BMP1: variants seen among roughly 807,000 people sequenced by gnomAD.
BMP1 encodes the protein bone morphogenetic protein 1, also known as mammalian tolloid protein.
A neutral mutation model predicts 116.8 loss-of-function variants in BMP1; 63 were observed. The ratio of observed to expected loss-of-function variants is 0.54; its 90% CI spans 0.44 to 0.67. The LOEUF is 0.67. Ranked by LOEUF, BMP1 falls within the 30% of genes least tolerant of loss-of-function variation. The pLI is 0.00. For missense variants in BMP1, 1,183 were observed against 1,358.9 expected (o/e 0.87, Z 2.04); for synonymous variants, 536 against 533.4 (o/e 1.00, Z -0.07).
rs560082810 is a variant in BMP1 at position 22,180,943 on chromosome 8, G to T, written c.1077+460G>T. 4.6e-5 allele frequency among the ~76,000 whole-genome samples: 7 copies of T among 152,308 alleles called. No homozygotes were observed. In the South Asian group the frequency reaches 1.4e-3, roughly 32 times the overall value. On this transcript the variant is annotated intron_variant, in intron 8 of 19. Coordinates refer to ENST00000306385, the MANE Select transcript of BMP1 (RefSeq NM_006129.5). Reference sequence around the variant, plus strand: ...GATGAACTGCTCAGCCTGACGCTCAGCTCTCATCCGTCTCATCAGGGCTTG... The same window carrying T: ...GATGAACTGCTCAGCCTGACGCTCATCTCTCATCCGTCTCATCAGGGCTTG...
intron 1 of BMP1, among the ~76,000 whole-genome samples, chr8:22,172,498 T>C (rs1586435417): frequency 6.6e-6 from 1 of 151,850 alleles, no homozygotes; most frequent in Admixed American, 6.6e-5. Flanking sequence ...TAGGAATTAC[T>C]TGAGAACTGT....
chr8:22,191,012 C>T (rs1828916926), intron 8 of BMP1, among the ~76,000 whole-genome samples: 1 of 152,140 alleles, frequency 6.6e-6, no homozygotes, highest in Non-Finnish European at 1.5e-5. Context: ...GTGGTTTCCC[C>T]CCGGAAGTGG....
intron 15 of BMP1, among the ~76,000 whole-genome samples, chr8:22,199,820 T>G (rs1388338658): frequency 6.6e-6 from 1 of 152,142 alleles, no homozygotes; most frequent in African/African-American, 2.4e-5. Flanking sequence ...TCAGGCCCCC[T>G]CTGATGTGTT....
At chr8:22,186,821 T>C (rs923389021) in intron 8 of BMP1, among the ~76,000 whole-genome samples, 2 of 152,072 alleles carry the variant, frequency 1.3e-5, no homozygotes, top group African/African-American at 4.8e-5. Flanking sequence ...GGGGATACTA[T>C]CAAGTTTGAT....
intron 18 of BMP1, among the ~76,000 whole-genome samples, chr8:22,208,870 G>A (rs1390844993): frequency 6.6e-6 from 1 of 152,172 alleles, no homozygotes; most frequent in Non-Finnish European, 1.5e-5. Flanking sequence ...CGAGACCTGA[G>A]TGCCAGGTGC....
rs940904301 is a variant in BMP1, at chr8:22,209,115, G to T, written c.2576-330G>T. On this transcript the variant is annotated intron_variant, in intron 18 of 19. Transcript: ENST00000306385. ...AAAATGGAAGCTGTGGCGACACTGG[G>T]CCCACATTCTTCCATGACAGCCATC... is the stretch of plus-strand genomic sequence containing the variant. Among the ~76,000 whole-genome samples, 4 of 152,166 alleles carry T rather than the reference G, an allele frequency of 2.6e-5. No homozygotes were observed. The East Asian group carries it at 7.7e-4, about 29-fold the overall frequency.
At chr8:22,209,377 G>T in intron 18 of BMP1, 68 bp from the exon 19 acceptor site, 5 of 1,580,156 alleles carry the variant, frequency 3.2e-6, no homozygotes, top group Non-Finnish European at 3.4e-6. Context: ...GCACGCCATG[G>T]CATAGTGTGC....
In BMP1 at chr8:22,180,601, G is replaced by A. The variant is rs1828591194; in HGVS notation, c.1077+118G>A. On this transcript the variant is annotated intron_variant, in intron 8 of 19. Transcript: ENST00000306385. ...AGCGACCTACCTGGCTACCGTAAAT[G>A]TATCAAGTCCAGAGCGCTGATGGAG... 9 of 907,862 alleles carry A rather than the reference G, an allele frequency of 9.9e-6. No homozygotes were observed. The East Asian group carries it at 2.2e-4, about 23-fold the overall frequency. The allele number at this position is 907,862 out of a possible 1,614,324, so 56.2% of individuals were successfully genotyped here. A position where few individuals can be genotyped will look rare whatever the true frequency, so the allele number is the denominator to read the frequency against.
chr8:22,186,835 C>G (rs1828785407), intron 8 of BMP1, among the ~76,000 whole-genome samples: 1 of 152,142 alleles, frequency 6.6e-6, no homozygotes, highest in Admixed American at 6.5e-5. Flanking sequence ...GTTTGATCTG[C>G]TAACCGTGAT....
rs1300045983 is a variant in BMP1, at chr8:22,165,422, G to A, written c.17G>A (p.Arg6His). The change falls in exon 1 of 20, where the codon CGC becomes CAC. Residue 6 changes from arginine (R) to histidine (H), a missense_variant. Physicochemically the swap from Arg to His is conservative, Grantham distance 29. Coordinates refer to ENST00000306385, the MANE Select transcript of BMP1 (RefSeq NM_006129.5). MPGVA[R>H]LPLLLGLLLL... is the part of the protein sequence containing the mutation. ...CCCGCCAGCATGCCCGGCGTGGCCC[G>A]CCTGCCGCTGCTGCTCGGGCTGCTG... 3 of 1,540,416 alleles carry A rather than the reference G, an allele frequency of 1.9e-6. No homozygotes were observed. Among genetic ancestry groups the A allele is most frequent in the Non-Finnish European group, 1.7e-6 (2 of 1,149,842 alleles).
At chr8:22,183,601 A>G (rs1443840974) in intron 8 of BMP1, among the ~76,000 whole-genome samples, 5 of 150,190 alleles carry the variant, frequency 3.3e-5, no homozygotes, top group Non-Finnish European at 3.0e-5. Flanking sequence ...AATTATTATT[A>G]TTATTATTAT....
intron 16 of BMP1, among the ~76,000 whole-genome samples, chr8:22,205,901 A>G (rs1356990248): frequency 6.6e-6 from 1 of 152,208 alleles, no homozygotes; most frequent in Admixed American, 6.5e-5. Context: ...GAAACAGTGG[A>G]TGATGACAAA....
intron 15 of BMP1, among the ~76,000 whole-genome samples, chr8:22,200,868 C>A (rs1473240731): frequency 6.6e-6 from 1 of 152,194 alleles, no homozygotes; most frequent in African/African-American, 2.4e-5. Flanking sequence ...ACCCTCCAGG[C>A]CTTCTCCTGC....
intron 16 of BMP1, among the ~76,000 whole-genome samples, chr8:22,204,243 G>A (rs952251724): frequency 4.6e-5 from 7 of 152,154 alleles, no homozygotes; most frequent in African/African-American, 9.7e-5. Flanking sequence ...GACAGCTCAC[G>A]GTTCAAGTGT....
At chr8:22,207,624 AC>A in intron 18 of BMP1, 108 bp downstream of exon 18, 2 of 1,263,974 alleles carry the variant, frequency 1.6e-6, no homozygotes, top group Non-Finnish European at 2.2e-6. Flanking sequence ...GAGCCCTGCG[AC>A]CCAGGGCCAG....
At chr8:22,182,559 C>T (rs745663588) in intron 8 of BMP1, among the ~76,000 whole-genome samples, 3 of 152,196 alleles carry the variant, frequency 2.0e-5, no homozygotes, top group Non-Finnish European at 2.9e-5. Flanking sequence ...GATGCAATGC[C>T]TTACCAAATT....
Position 22,176,296 on chromosome 8 carries a change from T to A in BMP1, c.416T>A (p.Ile139Asn), listed in dbSNP as rs200568225. The change falls in exon 3 of 20, where the codon ATT becomes AAT. Residue 139 changes from isoleucine to asparagine, a missense_variant. By Grantham distance (149) the Ile-to-Asn change is moderately radical (BLOSUM62 -3). Transcript: ENST00000306385. ...CCCGATGGGGTCATCCCCTTTGTCA[T>A]TGGGGGAAACTTCACTGGTGAGCGT... ...VWPDGVIPFV[I>N]GGNFTGSQRA... is the part of the protein sequence containing the mutation. 3 of 1,601,280 alleles carry A rather than the reference T, an allele frequency of 1.9e-6. No individual in the cohort carries two copies. The highest frequency in any genetic ancestry group is 1.3e-5 in the African/African-American group (1 of 74,554).
chr8:22,199,256 C>T (rs151297513), intron 15 of BMP1: 2 of 1,367,288 alleles, frequency 1.5e-6, no homozygotes, highest in African/African-American at 3.0e-5. Context: ...CTGACTCTGG[C>T]CCCCCAGGAG....
chr8:22,179,599 C>G lies in BMP1; in HGVS notation c.837-106C>G. Reference sequence around the variant, plus strand: ...CGGCCCTGACCCTGCTGAGGAATGTCTGAGCTCCAGCAGGGTCGTGACTTG... The same window carrying G: ...CGGCCCTGACCCTGCTGAGGAATGTGTGAGCTCCAGCAGGGTCGTGACTTG... On this transcript the variant is annotated intron_variant, in intron 6 of 19. Transcript: ENST00000306385. This position sits in a 1 kb window ranked among gnomAD's most constrained non-coding sequence, Gnocchi z 4.6. 6.3e-7 allele frequency: 1 copy of G among 1,586,736 alleles called. No homozygotes were observed. The highest frequency in any genetic ancestry group is 1.1e-5 in the South Asian group (1 of 89,326).
Sources: gnomAD v4.1 joint callset for allele counts (sites outside exome capture counted in the v4.1 genomes callset) on GRCh38, gnomAD v4.1.1 for gene constraint, Gnocchi (gnomAD v3.1) non-coding constraint, MANE v1.5 for transcripts, NCBI Gene and HGNC (gene_info 2026-07-23, HGNC 2026-07-21) for gene names.